Variants in RIN2 observed in about 807,000 individuals in gnomAD.
The protein encoded by RIN2 is RAB5 interacting protein 2.
In RIN2, 36 loss-of-function variants were observed where a neutral mutation model predicts 78.0. That is an observed-to-expected ratio of 0.46 (90% confidence interval 0.35 to 0.61). The LOEUF is 0.61. Ranked by LOEUF, RIN2 falls within the 20% of genes least tolerant of loss-of-function variation. The pLI is 0.00. For synonymous variants in RIN2, 466 were observed against 466.8 expected (o/e 1.00, Z 0.02); for missense variants, 1,087 against 1,159.7 (o/e 0.94, Z 0.91).
Position 19,806,790 on chromosome 20 carries a change from AG to A in RIN2, c.-37+7045del, listed in dbSNP as rs199999670. ...GTGTGCATCTGTAGTCCTAGCTAAT[AG>A]GCAAGCTAAGGTGGGAGGATTGCTT... On this transcript the variant is annotated intron_variant, in intron 2 of 12. Transcript: ENST00000255006. 5.8e-4 allele frequency among the ~76,000 whole-genome samples: 89 copies of A among 152,316 alleles called. 1 individual carries two copies. The East Asian group carries it at 0.014, about 25-fold the overall frequency.
intron 1 of RIN2, among the ~76,000 whole-genome samples, chr20:19,776,365 T>C (rs1293284576): frequency 6.6e-6 from 1 of 152,188 alleles, no homozygotes; most frequent in East Asian, 1.9e-4. Context: ...ATGACAAAAC[T>C]TTACTCTCCA....
chr20:19,973,025 A>T (rs1312334388), intron 8 of RIN2, among the ~76,000 whole-genome samples: 1 of 152,230 alleles, frequency 6.6e-6, no homozygotes, highest in Non-Finnish European at 1.5e-5. Flanking sequence ...TCGAAACCCA[A>T]TGAGTTATTT....
At chr20:19,758,918 G>A (rs944318415) in intron 1 of RIN2, among the ~76,000 whole-genome samples, 8 of 152,234 alleles carry the variant, frequency 5.3e-5, no homozygotes, top group African/African-American at 1.9e-4. Context: ...GAGGGTTGTT[G>A]TGTCCGGGCA....
intron 4 of RIN2, among the ~76,000 whole-genome samples, chr20:19,944,876 T>C (rs531385457): frequency 6.0e-4 from 92 of 152,190 alleles, no homozygotes; most frequent in South Asian, 3.7e-3. Flanking sequence ...AGCTCCAGAG[T>C]TGTGTTAATA....
At chr20:19,784,931 C>T (rs769018663) in intron 1 of RIN2, among the ~76,000 whole-genome samples, 1 of 152,136 alleles carries the variant, frequency 6.6e-6, no homozygotes, top group Non-Finnish European at 1.5e-5. Flanking sequence ...CCCTTGGAGA[C>T]TTGGTGATAT....
chr20:19,975,669 G>A lies in RIN2; in HGVS notation c.1644G>A (p.Val548=). The change falls in exon 9 of 13, where the codon GTG becomes GTA. Residue 548 remains valine, a synonymous_variant. Coordinates refer to ENST00000255006, the MANE Select transcript of RIN2 (RefSeq NM_018993.4). The surrounding 1 kb of genome is among the most constrained non-coding windows in gnomAD (Gnocchi z 4.9). ...SFLQENKECH[V]SSTDMLQTIR... ...TGCAGGAGAACAAGGAGTGCCACGT[G>A]TCCAGCACCGACATGCTGCAGACCA... 1 of 1,613,718 alleles carries A rather than the reference G, an allele frequency of 6.2e-7. No individual in the cohort carries two copies. The highest frequency in any genetic ancestry group is 8.5e-7 in the Non-Finnish European group (1 of 1,179,894).
At chr20:19,827,061 C>T (rs1186168728) in intron 2 of RIN2, among the ~76,000 whole-genome samples, 10 of 150,574 alleles carry the variant, frequency 6.6e-5, no homozygotes, top group South Asian at 2.1e-4. Context: ...CTGCAACCTC[C>T]GCCTCCTGGG....
At chr20:19,998,011 T>C (rs1216374584) in intron 12 of RIN2, among the ~76,000 whole-genome samples, 1 of 151,040 alleles carries the variant, frequency 6.6e-6, no homozygotes, top group Non-Finnish European at 1.5e-5. Flanking sequence ...AGTCTCGCTC[T>C]GTCACCCAGG....
chr20:19,988,157 C>T (rs2042679204), intron 9 of RIN2, among the ~76,000 whole-genome samples: 1 of 152,192 alleles, frequency 6.6e-6, no homozygotes, highest in South Asian at 2.1e-4. Flanking sequence ...CTCATTCTGT[C>T]ACTCAGGCTG....
At chr20:19,827,924 G>C (rs1247269764) in intron 2 of RIN2, among the ~76,000 whole-genome samples, 1 of 151,626 alleles carries the variant, frequency 6.6e-6, no homozygotes, top group African/African-American at 2.4e-5. Context: ...CTTCTCCTGG[G>C]CTGTAGGCTT....
chr20:19,976,569 CA>C (rs2146327759), intron 9 of RIN2, among the ~76,000 whole-genome samples: 1 of 152,256 alleles, frequency 6.6e-6, no homozygotes, highest in East Asian at 1.9e-4. Context: ...TTACTTTGGC[CA>C]AGGCAAATTT....
At chr20:19,895,518 C>G (rs1195157183) in intron 3 of RIN2, among the ~76,000 whole-genome samples, 5 of 152,094 alleles carry the variant, frequency 3.3e-5, no homozygotes, top group African/African-American at 1.2e-4. Context: ...GTTGCTCTTA[C>G]TAGACCAAGA....
chr20:19,993,288 CG>C (rs1258742672), intron 11 of RIN2, among the ~76,000 whole-genome samples: 1 of 151,526 alleles, frequency 6.6e-6, no homozygotes, highest in Non-Finnish European at 1.5e-5. Flanking sequence ...TTTTTTTTCC[CG>C]TGAGTTTCAG....
chr20:19,934,398 T>C, intron 3 of RIN2: 1 of 858,952 alleles, frequency 1.2e-6, no homozygotes, highest in Non-Finnish European at 1.4e-6. Context: ...GGGTGAAAGA[T>C]TTTAGACCAG....
chr20:19,948,560 A>T (rs11906582), intron 4 of RIN2, among the ~76,000 whole-genome samples: 5,600 of 152,060 alleles, frequency 0.037, 144 homozygotes, highest in South Asian at 0.11. Flanking sequence ...ACACCCAGTT[A>T]ATTTTTGTAC....
intron 3 of RIN2, among the ~76,000 whole-genome samples, chr20:19,900,163 G>A (rs1430866360): frequency 6.6e-6 from 1 of 152,170 alleles, no homozygotes; most frequent in Non-Finnish European, 1.5e-5. Context: ...CAGAAATCTA[G>A]ATTTTCATGT....
chr20:19,837,295 A>T (rs1408474118), intron 2 of RIN2, among the ~76,000 whole-genome samples: 1 of 150,818 alleles, frequency 6.6e-6, no homozygotes, highest in African/African-American at 2.5e-5. Context: ...AAAGGAAATA[A>T]TATACTTGAG....
chr20:19,968,222 G>A lies in RIN2; in HGVS notation c.537-2616G>A, dbSNP rs560165070. Reference sequence around the variant, plus strand: ...CTGTTCCAGGCCCCACACGAGTTACGGTGCCTGCTGTAATTTAATAGTAGT... The same window carrying A: ...CTGTTCCAGGCCCCACACGAGTTACAGTGCCTGCTGTAATTTAATAGTAGT... On this transcript the variant is annotated intron_variant, in intron 7 of 12. Transcript: ENST00000255006. Among the ~76,000 whole-genome samples the A allele has an allele frequency of 3.3e-5, 5 of 152,270 alleles. No homozygotes were observed. In the South Asian group the frequency reaches 8.3e-4, roughly 25 times the overall value.
chr20:19,831,902 CACAA>C (rs1294114077), intron 2 of RIN2, among the ~76,000 whole-genome samples: 1 of 152,110 alleles, frequency 6.6e-6, no homozygotes, highest in African/African-American at 2.4e-5. Context: ...CAAAGCAAAA[CACAA>C]ACAAAAACAA....
Sources: allele counts gnomAD v4.1 joint callset (sites outside exome capture counted in the v4.1 genomes callset), GRCh38; gene constraint gnomAD v4.1.1; non-coding constraint Gnocchi (gnomAD v3.1); transcripts MANE v1.5; gene names NCBI Gene and HGNC (gene_info 2026-07-23, HGNC 2026-07-21).